RBM18: variants seen among roughly 807,000 people sequenced by gnomAD.
The protein encoded by RBM18 is probable RNA-binding protein 18.
A neutral mutation model predicts 26.4 loss-of-function variants in RBM18; 18 were observed. The ratio of observed to expected loss-of-function variants is 0.68; its 90% CI spans 0.47 to 1.01. RBM18 has a LOEUF of 1.01. Among genes scored for constraint, RBM18 ranks in the 50% least tolerant of loss-of-function variants. The pLI is 0.00. For synonymous variants in RBM18, 74 were observed against 81.1 expected, an observed-to-expected ratio of 0.91 and a Z score of 0.47; for missense variants, 180 against 219.2, an observed-to-expected ratio of 0.82 and a Z score of 1.13.
At chr9:122,250,364 G>C (rs1003956768) in intron 3 of RBM18, among the ~76,000 whole-genome samples, 6 of 152,122 alleles carry the variant, frequency 3.9e-5, no homozygotes, top group African/African-American at 1.2e-4. Context: ...CATAATTAGA[G>C]CTGTAAAAAT....
At chr9:122,247,782 G>GTT (rs1447979871) in intron 3 of RBM18, among the ~76,000 whole-genome samples, 178 bp from the exon 4 acceptor site, 30 of 76,878 alleles carry the variant, frequency 3.9e-4, no homozygotes, top group South Asian at 3.7e-3. Context: ...TGGTTTTTTT[G>GTT]TTGTTTTTTT....
At chr9:122,252,499 G>A (rs1369786570) in intron 2 of RBM18, among the ~76,000 whole-genome samples, 1 of 152,178 alleles carries the variant, frequency 6.6e-6, no homozygotes, top group African/African-American at 2.4e-5. Flanking sequence ...TTAATTCTTA[G>A]ACCCAAATTG....
At chr9:122,251,737 G>A in intron 3 of RBM18, 110 bp downstream of exon 3, 1 of 938,740 alleles carries the variant, frequency 1.1e-6, no homozygotes, top group Non-Finnish European at 1.6e-6. Context: ...AGATGAATCA[G>A]ACATGGCTCC....
rs1831429770 is a variant in RBM18 at position 122,242,021 on chromosome 9, T to C, written c.436A>G (p.Ile146Val). The change falls in exon 6 of 6, where the codon ATT becomes GTT. Residue 146 changes from isoleucine (I) to valine (V), a missense_variant. Ile to Val is a conservative substitution (Grantham distance 29). This residue lies in a region of RBM18 where 103 missense variants were observed against 102.8 expected (regional missense o/e 1.00). Transcript: ENST00000417201. Reference protein sequence around the residue: ...NLSVTAKIKAIEAKLKMMAEN... With the variant: ...NLSVTAKIKAVEAKLKMMAEN... ...GCCATCATTTTCAGTTTTGCTTCAA[T>C]GGCTTTTATCTTTGCAGTGACACTG... 1.2e-6 allele frequency: 2 copies of C among 1,614,106 alleles called. No individual in the cohort carries two copies. Among genetic ancestry groups the C allele is most frequent in the Non-Finnish European group, 1.7e-6 (2 of 1,180,008 alleles).
chr9:122,253,953 G>A (rs898305223), intron 2 of RBM18, among the ~76,000 whole-genome samples: 1 of 151,320 alleles, frequency 6.6e-6, no homozygotes, highest in Admixed American at 6.6e-5. Flanking sequence ...ACTTGAATCC[G>A]GGAGGCAGAG....
intron 5 of RBM18, among the ~76,000 whole-genome samples, chr9:122,244,669 GCAAAA>G (rs1831476292): frequency 6.7e-6 from 1 of 148,172 alleles, no homozygotes; most frequent in Admixed American, 6.9e-5. Flanking sequence ...AGGCTACAAG[GCAAAA>G]CAAAACAAAA....
chr9:122,257,827 T>C (rs1460558406), intron 2 of RBM18, among the ~76,000 whole-genome samples: 1 of 152,000 alleles, frequency 6.6e-6, no homozygotes, highest in Non-Finnish European at 1.5e-5. Context: ...AAGAGAGAGG[T>C]AAGAAGGGTC....
intron 2 of RBM18, chr9:122,254,307 GT>G: frequency 1.0e-6 from 1 of 963,328 alleles, no homozygotes; most frequent in Non-Finnish European, 1.2e-6. Context: ...TTAGGTTTGT[GT>G]CTTTCAACTT....
intron 2 of RBM18, among the ~76,000 whole-genome samples, chr9:122,257,144 C>G (rs372640279): frequency 6.6e-6 from 1 of 152,148 alleles, no homozygotes; most frequent in South Asian, 2.1e-4. Flanking sequence ...GGCGCGATCT[C>G]GGCTCACTGC....
At position 122,241,733 on chromosome 9, in the gene RBM18, C is replaced by T. The variant is rs562595110; in HGVS notation, c.*151G>A. The T allele has an allele frequency of 3.1e-4, 196 of 638,664 alleles. 2 individuals are homozygous for T. The South Asian group carries it at 4.2e-3, about 14-fold the overall frequency. The allele number at this position is 638,664 out of a possible 1,614,324, so 39.6% of individuals were successfully genotyped here. ...CATACATAGTTTAGGGAAGAAACAT[C>T]CATAAGAACATCCAAAAACATTATG... On this transcript the variant is annotated 3_prime_UTR_variant, in exon 6 of 6. Coordinates refer to ENST00000417201, the MANE Select transcript of RBM18 (RefSeq NM_033117.4).
chr9:122,251,767 T>C, intron 3 of RBM18, 80 bp downstream of exon 3: 1 of 1,369,748 alleles, frequency 7.3e-7, no homozygotes, highest in Non-Finnish European at 1.0e-6. Context: ...GGAACTGCTA[T>C]TCTAGTAGGC....
chr9:122,245,203 G>T, intron 5 of RBM18, 53 bp downstream of exon 5: 2 of 1,033,100 alleles, frequency 1.9e-6, no homozygotes, highest in Non-Finnish European at 1.5e-6. Flanking sequence ...ATGGAATAAT[G>T]AAATGGCTGA....
intron 2 of RBM18, 144 bp from the exon 3 acceptor site, chr9:122,252,117 T>C (rs763857645): frequency 2.9e-5 from 30 of 1,028,938 alleles, no homozygotes; most frequent in Admixed American, 8.4e-5. Context: ...AACTGCTATG[T>C]TAGTTTATTT....
chr9:122,241,125 T>A lies in RBM18; in HGVS notation c.*759A>T, dbSNP rs1434781749. 1.3e-5 allele frequency: 2 copies of A among 152,240 alleles called. No homozygotes were observed. Among genetic ancestry groups the A allele is most frequent in the African/African-American group, 4.8e-5 (2 of 41,458 alleles). 9.4% of individuals were successfully genotyped at this position (152,240 alleles called of 1,614,324 possible). A position where few individuals can be genotyped will look rare whatever the true frequency, so the allele number is the denominator to read the frequency against. ...GTCCCATGATAATAGCAACATTTGT[T>A]ATTATAGAAGGCATGGTTATTTAGA... On this transcript the variant is annotated 3_prime_UTR_variant, in exon 6 of 6. Coordinates refer to ENST00000417201, the MANE Select transcript of RBM18 (RefSeq NM_033117.4).
chr9:122,259,081 A>G (rs1356728256), intron 2 of RBM18, among the ~76,000 whole-genome samples: 2 of 152,124 alleles, frequency 1.3e-5, no homozygotes, highest in African/African-American at 4.8e-5. Flanking sequence ...GCCTGATGTA[A>G]AAAGAGCAGA....
At position 122,241,902 on chromosome 9, in the gene RBM18, T is replaced by C. The variant is rs750467941; in HGVS notation, c.555A>G (p.Ala185=). The change falls in exon 6 of 6, where the codon GCA becomes GCG. Residue 185 remains alanine, a synonymous_variant. Coordinates refer to ENST00000417201, the MANE Select transcript of RBM18 (RefSeq NM_033117.4). ...ACAACCATCATCTTCGAGATTTCCA[T>C]GCTGTTCTAGAATATGGAGTAGTCC... ...KKRTTPYSRT[A]WKSRR 1.2e-5 allele frequency: 19 copies of C among 1,612,812 alleles called. No individual in the cohort carries two copies. Among genetic ancestry groups the C allele is most frequent in the Middle Eastern group, 1.7e-4 (1 of 6,054 alleles).
intron 2 of RBM18, among the ~76,000 whole-genome samples, chr9:122,253,568 C>G (rs574170398): frequency 3.9e-5 from 6 of 152,190 alleles, no homozygotes; most frequent in African/African-American, 1.4e-4. Context: ...TTTGAACAGG[C>G]TTACAGCAAG....
rs759329291 is a variant in RBM18, at chr9:122,239,134, C to T, written c.*2750G>A. 1 of 152,188 alleles carries T rather than the reference C, an allele frequency of 6.6e-6. No homozygotes were observed. The highest frequency in any genetic ancestry group is 6.5e-5 in the Admixed American group (1 of 15,290). The allele number at this position is 152,188 out of a possible 1,614,324, so 9.4% of individuals were successfully genotyped here. A position where few individuals can be genotyped will look rare whatever the true frequency, so the allele number is the denominator to read the frequency against. ...ACAGATATATTTGTTGATTCAGAAA[C>T]TGTGCATATCTTAATAAACAAGAGA... On this transcript the variant is annotated 3_prime_UTR_variant, in exon 6 of 6. Coordinates refer to ENST00000417201, the MANE Select transcript of RBM18 (RefSeq NM_033117.4).
intron 5 of RBM18, among the ~76,000 whole-genome samples, chr9:122,244,142 T>TA (rs11317765): frequency 2.7e-4 from 40 of 149,460 alleles, no homozygotes; most frequent in South Asian, 8.5e-4. Flanking sequence ...GAGCACGAAA[T>TA]AAAAAAAAAA....
Sources: allele counts gnomAD v4.1 joint callset (sites outside exome capture counted in the v4.1 genomes callset), GRCh38; gene constraint gnomAD v4.1.1; regional missense constraint gnomAD v4.1.1; transcripts MANE v1.5; gene names NCBI Gene and HGNC (gene_info 2026-07-23, HGNC 2026-07-21).